Variants in CTPS2 observed in about 807,000 individuals in gnomAD.
The protein encoded by CTPS2 is CTP synthase 2.
In CTPS2, 19 loss-of-function variants were observed where a neutral mutation model predicts 46.8. That is an observed-to-expected ratio of 0.41 (90% CI 0.28 to 0.60). The LOEUF (loss-of-function observed/expected upper bound fraction) is 0.60. Among genes scored for constraint, CTPS2 ranks in the 20% least tolerant of loss-of-function variants. The pLI is 0.35. For missense variants in CTPS2, 286 were observed against 447.6 expected (o/e 0.64, Z 3.26); for synonymous variants, 151 against 165.2 (o/e 0.91, Z 0.66).
intron 13 of CTPS2, among the ~76,000 whole-genome samples, chrX:16,639,771 GA>G (rs1931957039): frequency 3.0e-5 from 1 of 33,445 alleles, no homozygotes; most frequent in Non-Finnish European, 6.9e-5. Context: ...AAAAGAAAAG[GA>G]AAAGAAAAGA....
At chrX:16,711,703 C>T (rs1925476335) in intron 1 of CTPS2, 1 of 111,145 alleles carries the variant, frequency 9.0e-6, no homozygotes, top group Admixed American at 9.6e-5. Context: ...TGTCAAATCC[C>T]GTCGATTTGC....
At chrX:16,696,956 T>C (rs1924162546) in intron 4 of CTPS2, among the ~76,000 whole-genome samples, 1 of 111,134 alleles carries the variant, frequency 9.0e-6, no homozygotes, top group South Asian at 3.7e-4. Flanking sequence ...AATGAGGACG[T>C]TGAAACTGTG....
intron 1 of CTPS2, among the ~76,000 whole-genome samples, chrX:16,706,672 C>A (rs775219171): frequency 9.0e-6 from 1 of 110,958 alleles, no homozygotes; most frequent in African/African-American, 3.3e-5. Flanking sequence ...ACCAGCCTGG[C>A]GAACATGGTG....
chrX:16,599,469 T>G (rs1012618297), intron 17 of CTPS2, among the ~76,000 whole-genome samples: 53 of 98,303 alleles, frequency 5.4e-4, no homozygotes, highest in Admixed American at 6.7e-4. Context: ...TTCTTTTTCT[T>G]TTTTTTCTTT....
At chrX:16,673,266 GATA>G (rs1269063895) in intron 10 of CTPS2, among the ~76,000 whole-genome samples, 21 of 111,397 alleles carry the variant, frequency 1.9e-4, no homozygotes, top group African/African-American at 6.8e-4. Context: ...GGGGTCTTAG[GATA>G]GAATGTGGGC....
chrX:16,594,632 G>C (rs1929131272), intron 17 of CTPS2, among the ~76,000 whole-genome samples: 1 of 111,781 alleles, frequency 8.9e-6, no homozygotes, highest in Admixed American at 9.6e-5. Context: ...AAGTGGACTT[G>C]GGCGGGCCTG....
intron 9 of CTPS2, among the ~76,000 whole-genome samples, chrX:16,679,923 C>A (rs1256062675): frequency 9.0e-6 from 1 of 111,237 alleles, no homozygotes; most frequent in Non-Finnish European, 1.9e-5. Flanking sequence ...GTTACAGCAG[C>A]CTGAACAGAC....
intron 10 of CTPS2, among the ~76,000 whole-genome samples, chrX:16,676,422 C>T (rs1490452373): frequency 9.0e-6 from 1 of 111,713 alleles, no homozygotes; most frequent in Non-Finnish European, 1.9e-5. Context: ...GGGTACAAAC[C>T]CATGGGTGGG....
At chrX:16,602,048 A>G (rs111814906) in intron 17 of CTPS2, among the ~76,000 whole-genome samples, 1,453 of 111,703 alleles carry the variant, frequency 0.013, 18 homozygotes, top group African/African-American at 0.044. Flanking sequence ...ACTATGAGCA[A>G]TGGGGATGAG....
chrX:16,674,668 C>G (rs1159686053), intron 10 of CTPS2, among the ~76,000 whole-genome samples: 1 of 104,782 alleles, frequency 9.5e-6, no homozygotes, highest in Middle Eastern at 5.1e-3. Context: ...GAAACCCCGT[C>G]TCTACTAAAA....
chrX:16,661,062 T>C (rs1281081944), intron 13 of CTPS2, among the ~76,000 whole-genome samples: 1 of 110,180 alleles, frequency 9.1e-6, no homozygotes, highest in African/African-American at 3.3e-5. Context: ...CAGGTTCAAG[T>C]GATTCTCCTG....
intron 16 of CTPS2, among the ~76,000 whole-genome samples, chrX:16,612,285 G>A (rs1930300327): frequency 8.9e-6 from 1 of 111,832 alleles, no homozygotes; most frequent in South Asian, 3.7e-4. Flanking sequence ...GTGGAGATTC[G>A]TGGATATGTT....
intron 14 of CTPS2, among the ~76,000 whole-genome samples, chrX:16,629,010 C>T (rs943235781): frequency 1.6e-4 from 18 of 112,217 alleles, no homozygotes; most frequent in African/African-American, 4.9e-4. Context: ...CCCCATGAGG[C>T]GGCGCTCTTA....
chrX:16,597,910 G>T (rs1389007540), intron 17 of CTPS2, among the ~76,000 whole-genome samples: 1 of 107,558 alleles, frequency 9.3e-6, no homozygotes, highest in Admixed American at 1.0e-4. Flanking sequence ...GGTCCTTCAC[G>T]TCCCTTGTAA....
chrX:16,702,038 T>G (rs1262390501), intron 2 of CTPS2, among the ~76,000 whole-genome samples: 1 of 110,703 alleles, frequency 9.0e-6, no homozygotes, highest in Non-Finnish European at 1.9e-5. Flanking sequence ...GTTGGTTTTT[T>G]GTTGTTTTTG....
chrX:16,689,500 G>C lies in CTPS2; in HGVS notation c.822C>G (p.Ile274Met). ...AAAGCAAATTACTTGCAGAATCACC[G>C]ATGGGCAGGTGCAATCTCTCCTTAA... ...KYFKERLHLP[I>M]GDSASNLLFK... The change falls in exon 8 of 19, where the codon ATC becomes ATG. Residue 274 changes from isoleucine to methionine, a missense_variant. Ile to Met is a conservative substitution (Grantham distance 10). Coordinates refer to ENST00000359276, the MANE Select transcript of CTPS2 (RefSeq NM_175859.3). 3 of 1,210,497 alleles carry C rather than the reference G, an allele frequency of 2.5e-6. No homozygotes were observed. Among genetic ancestry groups the C allele is most frequent in the African/African-American group, 1.7e-5 (1 of 57,829 alleles).
intron 1 of CTPS2, among the ~76,000 whole-genome samples, chrX:16,709,848 CAAAAAAA>C (rs35017705): frequency 2.7e-3 from 65 of 23,749 alleles, no homozygotes; most frequent in African/African-American, 0.01. Flanking sequence ...ACTCTGTCTC[CAAAAAAA>C]AAAAAAAAAA....
chrX:16,595,703 G>A, intron 17 of CTPS2, among the ~76,000 whole-genome samples: 1 of 112,153 alleles, frequency 8.9e-6, no homozygotes, highest in African/African-American at 3.2e-5. Flanking sequence ...CACTTCAAGT[G>A]CTCAGTAGCC....
At chrX:16,663,645 C>G (rs67736803) in intron 13 of CTPS2, among the ~76,000 whole-genome samples, 1 of 109,694 alleles carries the variant, frequency 9.1e-6, no homozygotes, top group Non-Finnish European at 1.9e-5. Context: ...GCTATGATCA[C>G]ACCTGTGAAT....
Sources: allele counts gnomAD v4.1 joint callset (sites outside exome capture counted in the v4.1 genomes callset), GRCh38; gene constraint gnomAD v4.1.1; transcripts MANE v1.5; gene names NCBI Gene and HGNC (gene_info 2026-07-23, HGNC 2026-07-21).